ILRUN: variants seen among roughly 807,000 people sequenced by gnomAD.
ILRUN encodes inflammation and lipid regulator with UBA-like and NBR1-like domains.
Under a neutral mutation model 33.8 loss-of-function variants are expected in ILRUN, and 3 were observed. The observed-to-expected ratio is 0.09, with a 90% confidence interval of 0.04 to 0.23. The LOEUF is 0.23. Among genes scored for constraint, ILRUN ranks in the 10% least tolerant of loss-of-function variants. ILRUN has a pLI of 1.00. For synonymous variants in ILRUN, 124 were observed against 138.9 expected, an observed-to-expected ratio of 0.89 and a Z score of 0.75; for missense variants, 210 against 375.1, an observed-to-expected ratio of 0.56 and a Z score of 3.64.
chr6:34,622,579 T>C (rs941714354), intron 3 of ILRUN, among the ~76,000 whole-genome samples: 5 of 152,128 alleles, frequency 3.3e-5, no homozygotes, highest in South Asian at 2.1e-4. Context: ...TGAAAGCTTT[T>C]GCTTCCTAGA....
chr6:34,625,643 T>C (rs1049081373), intron 3 of ILRUN, among the ~76,000 whole-genome samples: 88 of 152,190 alleles, frequency 5.8e-4, no homozygotes, highest in African/African-American at 2.1e-3. Flanking sequence ...AGTGTACTAG[T>C]CATGCTTAAC....
rs368909345 is a variant in ILRUN at position 34,642,694 on chromosome 6, ACAGTGTTCTGAGAGCTGGG to A, written c.511+3888_511+3906del. On this transcript the variant is annotated intron_variant, in intron 3 of 4. Transcript: ENST00000374023. ...CTTTCTAGAGGGCCTAAGAATAATAACAGTGTTCTGAGAGCTGGGCACAGTGGCTCACACCTGTAATCCC... is the reference window on the plus strand; with the variant it reads ...CTTTCTAGAGGGCCTAAGAATAATAACACAGTGGCTCACACCTGTAATCCC... Among the ~76,000 whole-genome samples, 987 of 152,104 alleles carry A rather than the reference ACAGTGTTCTGAGAGCTGGG, an allele frequency of 6.5e-3. 7 individuals are homozygous for A. Among genetic ancestry groups the A allele is most frequent in the Middle Eastern group, 0.027 (8 of 292 alleles).
chr6:34,617,340 A>G, intron 3 of ILRUN: 1 of 322,454 alleles, frequency 3.1e-6, no homozygotes, highest in Non-Finnish European at 6.0e-6. Context: ...AGTCAGTATT[A>G]TGAGCAGGTC....
intron 3 of ILRUN, among the ~76,000 whole-genome samples, chr6:34,612,063 T>C (rs1319066849): frequency 6.6e-6 from 1 of 152,146 alleles, no homozygotes; most frequent in Non-Finnish European, 1.5e-5. Flanking sequence ...AATGAGGACT[T>C]AGTAAGCAAA....
chr6:34,687,829 G>A lies in ILRUN; in HGVS notation c.158+8617C>T, dbSNP rs145635547. ...AAATTGCGACCAACTCATACACCGC[G>A]GTTGGGAATGTAAAATGATTCAGCC... On this transcript the variant is annotated intron_variant, in intron 1 of 4. Transcript: ENST00000374023. Among the ~76,000 whole-genome samples the A allele has an allele frequency of 4.3e-3, 650 of 151,604 alleles. 6 individuals carry two copies. The highest frequency in any genetic ancestry group is 0.015 in the African/African-American group (606 of 41,272).
At chr6:34,593,683 C>T (rs770053785) in intron 4 of ILRUN, among the ~76,000 whole-genome samples, 19 of 152,258 alleles carry the variant, frequency 1.2e-4, no homozygotes, top group Non-Finnish European at 2.4e-4. Flanking sequence ...TTAATTGGAA[C>T]AGAAAAATAG....
intron 1 of ILRUN, among the ~76,000 whole-genome samples, chr6:34,693,417 T>C (rs1217696013): frequency 1.7e-4 from 25 of 148,012 alleles, no homozygotes; most frequent in Admixed American, 1.4e-3. Context: ...TGCAGTGGCA[T>C]GATCACGGCT....
chr6:34,611,077 TC>T (rs1216092679), intron 3 of ILRUN, among the ~76,000 whole-genome samples: 1 of 143,356 alleles, frequency 7.0e-6, no homozygotes, highest in African/African-American at 2.6e-5. Context: ...CCCTCTCCTT[TC>T]CTTTCTTTCT....
chr6:34,615,349 A>C (rs1433469199), intron 3 of ILRUN, among the ~76,000 whole-genome samples: 1 of 151,870 alleles, frequency 6.6e-6, no homozygotes, highest in Non-Finnish European at 1.5e-5. Flanking sequence ...TAGTCCCAGA[A>C]CTTTGGGAGG....
intron 3 of ILRUN, among the ~76,000 whole-genome samples, chr6:34,640,536 C>A (rs1032477985): frequency 3.3e-5 from 5 of 151,948 alleles, no homozygotes; most frequent in African/African-American, 7.2e-5. Flanking sequence ...CATGGTGAAC[C>A]CTGTCTCTAC....
At chr6:34,621,431 G>GAGAT (rs1208760663) in intron 3 of ILRUN, among the ~76,000 whole-genome samples, 1 of 152,060 alleles carries the variant, frequency 6.6e-6, no homozygotes, top group Non-Finnish European at 1.5e-5. Flanking sequence ...ATCGATTGCA[G>GAGAT]AGATCCCTCT....
At position 34,615,686 on chromosome 6, in the gene ILRUN, C is replaced by G. The variant is rs145015929; in HGVS notation, c.512-8782G>C. On this transcript the variant is annotated intron_variant, in intron 3 of 4. Transcript: ENST00000374023. ...CTAGCAAAAGAGAGTGTTTTGATATCAAGCGAGGGGTAGAACAAGGTTGTA... is the reference window on the plus strand; with the variant it reads ...CTAGCAAAAGAGAGTGTTTTGATATGAAGCGAGGGGTAGAACAAGGTTGTA... 1.4e-4 allele frequency among the ~76,000 whole-genome samples: 21 copies of G among 152,262 alleles called. No homozygotes were observed. In the East Asian group the frequency reaches 4.1e-3, roughly 29 times the overall value.
chr6:34,687,609 A>G (rs1385853491), intron 1 of ILRUN, among the ~76,000 whole-genome samples: 1 of 151,136 alleles, frequency 6.6e-6, no homozygotes, highest in South Asian at 2.1e-4. Flanking sequence ...GGGGCAGGAG[A>G]ATCACTTGAA....
chr6:34,630,431 C>T (rs906618529), intron 3 of ILRUN, among the ~76,000 whole-genome samples: 5 of 152,064 alleles, frequency 3.3e-5, no homozygotes, highest in African/African-American at 7.2e-5. Context: ...GTCGCCAGTC[C>T]GGAGTGCAGT....
chr6:34,593,574 G>A (rs745420488), intron 4 of ILRUN, among the ~76,000 whole-genome samples: 2 of 152,182 alleles, frequency 1.3e-5, no homozygotes, highest in Non-Finnish European at 2.9e-5. Flanking sequence ...TATGGTTATT[G>A]TTGATCCTCT....
chr6:34,687,454 G>A (rs1763545407), intron 1 of ILRUN, among the ~76,000 whole-genome samples: 1 of 152,054 alleles, frequency 6.6e-6, no homozygotes, highest in Non-Finnish European at 1.5e-5. Flanking sequence ...CAAGCACTCT[G>A]GGAGGCCAAA....
chr6:34,603,403 G>A (rs1186692969), intron 4 of ILRUN, among the ~76,000 whole-genome samples: 1 of 152,198 alleles, frequency 6.6e-6, no homozygotes, highest in East Asian at 1.9e-4. Flanking sequence ...GGGAGGCCGA[G>A]GCGGGCGGAT....
chr6:34,594,104 G>A (rs971191593), intron 4 of ILRUN, among the ~76,000 whole-genome samples: 1 of 152,138 alleles, frequency 6.6e-6, no homozygotes, highest in Non-Finnish European at 1.5e-5. Flanking sequence ...ACTCTCTTCT[G>A]GGGCCTAGCA....
rs970409827 is a variant in ILRUN, at chr6:34,654,508, G to A, written c.313+117C>T. 4.6e-5 allele frequency: 46 copies of A among 1,004,648 alleles called. 1 individual carries two copies. The Admixed American group carries it at 7.7e-4, about 17-fold the overall frequency. The allele number at this position is 1,004,648 out of a possible 1,614,324, so 62.2% of individuals were successfully genotyped here. On this transcript the variant is annotated intron_variant, in intron 2 of 4. Coordinates refer to ENST00000374023, the MANE Select transcript of ILRUN (RefSeq NM_024294.4). The stretch of plus-strand genomic sequence containing the variant: ...AGTACAAGAAAATACTACATATCAT[G>A]TGTAAGAGAAAGCTCGCAGTTACAC...
Sources: gnomAD v4.1 joint callset for allele counts (sites outside exome capture counted in the v4.1 genomes callset) on GRCh38, gnomAD v4.1.1 for gene constraint, MANE v1.5 for transcripts, NCBI Gene and HGNC (gene_info 2026-07-23, HGNC 2026-07-21) for gene names.